The following RGL3 variants were observed in gnomAD, a reference collection of about 807,000 sequenced individuals.
The protein encoded by RGL3 is ral guanine nucleotide dissociation stimulator like 3.
A neutral mutation model predicts 90.6 loss-of-function variants in RGL3; 85 were observed. The observed-to-expected ratio is 0.94, with a 90% CI of 0.79 to 1.12. The LOEUF (loss-of-function observed/expected upper bound fraction) is 1.12. Among genes scored for constraint, RGL3 ranks in the 50% most tolerant of loss-of-function variants. RGL3 has a pLI of 0.00. For synonymous variants in RGL3, 408 were observed against 385.5 expected (o/e 1.06, Z -0.68); for missense variants, 1,034 against 939.2 (o/e 1.10, Z -1.32).
intron 5 of RGL3, 22 bp from the exon 6 acceptor site, chr19:11,406,886 A>G: frequency 1.2e-6 from 2 of 1,605,138 alleles, no homozygotes; most frequent in East Asian, 2.2e-5. Context: ...AAAGGGTTAC[A>G]AACTCTCAAG....
chr19:11,414,045 C>T (rs2144737226), intron 5 of RGL3, among the ~76,000 whole-genome samples: 1 of 145,678 alleles, frequency 6.9e-6, no homozygotes, highest in South Asian at 2.2e-4. Flanking sequence ...CGCGCCCAGC[C>T]AATTTTAATT....
chr19:11,403,603 G>A lies in RGL3; in HGVS notation c.1186-897C>T, dbSNP rs528105882. Among the ~76,000 whole-genome samples, 17 of 138,992 alleles carry A rather than the reference G, an allele frequency of 1.2e-4. 1 individual carries two copies. In the South Asian group the frequency reaches 3.9e-3, roughly 32 times the overall value. The allele number at this position is 138,992 out of a possible 152,430, so 91.2% of individuals were successfully genotyped here. ...TGGAGTGAGCCAAGATCGCACCATT[G>A]CACTCCAGCTTGGGCAACAAGACCA... On this transcript the variant is annotated intron_variant, in intron 9 of 18. Coordinates refer to ENST00000380456, the MANE Select transcript of RGL3 (RefSeq NM_001035223.4).
chr19:11,397,799 G>T (rs374553897), intron 16 of RGL3: 2 of 434,430 alleles, frequency 4.6e-6, no homozygotes, highest in Non-Finnish European at 7.9e-6. Flanking sequence ...ACTTGAGGTC[G>T]GGAGTTCAAG....
In RGL3 at chr19:11,400,055, G is replaced by A; in HGVS notation, c.1634C>T (p.Ser545Leu). 1.2e-6 allele frequency: 2 copies of A among 1,608,782 alleles called. No individual in the cohort carries two copies. The highest frequency in any genetic ancestry group is 1.7e-6 in the Non-Finnish European group (2 of 1,178,298). ...SSPSGSPGDP[S>L]SPTSSVSPGS... ...GAATGCTCACCTGGAGGTGGGGGATGAGGGGTCCCCGGGACTCCCACTAGG... is the reference window on the plus strand; with the variant it reads ...GAATGCTCACCTGGAGGTGGGGGATAAGGGGTCCCCGGGACTCCCACTAGG... The change falls in exon 15 of 19, where the codon TCA (serine) becomes TTA (leucine). Residue 545 changes from serine (S) to leucine (L), a missense_variant. Coordinates refer to ENST00000380456, the MANE Select transcript of RGL3 (RefSeq NM_001035223.4).
At chr19:11,396,153 TATATA>T (rs1294013214) in intron 18 of RGL3, among the ~76,000 whole-genome samples, 42 of 76,220 alleles carry the variant, frequency 5.5e-4, no homozygotes, top group African/African-American at 2.0e-3. Flanking sequence ...TATATATATA[TATATA>T]TTTTTTTTTT....
At chr19:11,405,476 A>G (rs1968759909) in intron 7 of RGL3, 50 bp from the exon 8 acceptor site, 2 of 396,924 alleles carry the variant, frequency 5.0e-6, no homozygotes, top group East Asian at 7.1e-5. Flanking sequence ...TCCACCTTTC[A>G]TCCTGAAACT....
chr19:11,397,398 C>A, intron 17 of RGL3, 40 bp from the exon 18 acceptor site: 3 of 1,588,318 alleles, frequency 1.9e-6, no homozygotes, highest in Non-Finnish European at 2.6e-6. Context: ...GGGCCCCGGC[C>A]CCAAGGGCAG....
intron 5 of RGL3, among the ~76,000 whole-genome samples, chr19:11,409,711 C>T (rs1396802428): frequency 6.6e-6 from 1 of 152,146 alleles, no homozygotes; most frequent in Non-Finnish European, 1.5e-5. Context: ...GCTGTCTTTG[C>T]CTCACCAGTG....
chr19:11,397,324 C>G lies in RGL3; in HGVS notation c.1934G>C (p.Arg645Pro), dbSNP rs771530053. ...CACATTGTGCTTCTGCAAGGCTCGC[C>G]GGACCACGCTGGGGGCTTTGTCCTG... ...TSQDKAPSVV[R>P]RALQKHNVPQ... The change falls in exon 18 of 19, where the codon CGG becomes CCG. Residue 645 changes from arginine (R) to proline (P), a missense_variant. Arg to Pro is a moderately radical substitution (Grantham distance 103). Coordinates refer to ENST00000380456, the MANE Select transcript of RGL3 (RefSeq NM_001035223.4). 1.3e-5 allele frequency: 21 copies of G among 1,609,692 alleles called. No homozygotes were observed. Among genetic ancestry groups the G allele is most frequent in the Non-Finnish European group, 1.7e-5 (20 of 1,177,900 alleles).
chr19:11,415,538 C>G (rs1024373938), intron 5 of RGL3, among the ~76,000 whole-genome samples: 2 of 152,074 alleles, frequency 1.3e-5, no homozygotes, highest in Non-Finnish European at 1.5e-5. Context: ...TGCAATGGCA[C>G]GATCTCGACT....
At chr19:11,415,191 A>G (rs1039575691) in intron 5 of RGL3, among the ~76,000 whole-genome samples, 1 of 151,876 alleles carries the variant, frequency 6.6e-6, no homozygotes, top group Admixed American at 6.6e-5. Flanking sequence ...AAATTCAAAA[A>G]TAAGAAAAAT....
chr19:11,396,158 ATTTTTTT>A (rs1169850022), intron 18 of RGL3, among the ~76,000 whole-genome samples: 395 of 25,432 alleles, frequency 0.016, 9 homozygotes, highest in African/African-American at 0.06. Flanking sequence ...ATATATATAT[ATTTTTTT>A]TTTTTTTTTT....
At chr19:11,414,528 T>TATAC (rs1568342108) in intron 5 of RGL3, among the ~76,000 whole-genome samples, 1 of 74,104 alleles carries the variant, frequency 1.3e-5, no homozygotes, top group Admixed American at 1.7e-4. Context: ...TATATATATA[T>TATAC]ACCTTTATAT....
At chr19:11,404,814 C>T (rs552482388) in intron 9 of RGL3, among the ~76,000 whole-genome samples, 18 of 152,290 alleles carry the variant, frequency 1.2e-4, no homozygotes, top group African/African-American at 4.3e-4. Context: ...TTTTGACACA[C>T]ATTTTTTAGT....
intron 18 of RGL3, 63 bp from the exon 19 acceptor site, chr19:11,394,583 C>A: frequency 3.1e-6 from 4 of 1,285,456 alleles, no homozygotes; most frequent in Non-Finnish European, 4.5e-6. Context: ...CCACAGAGGA[C>A]CCGGGAGCCT....
Position 11,405,237 on chromosome 19 carries a change from A to C in RGL3, c.1101-6T>G. On this transcript the variant is annotated splice_polypyrimidine_tract_variant and splice_region_variant and intron_variant, in intron 8 of 18. Coordinates refer to ENST00000380456, the MANE Select transcript of RGL3 (RefSeq NM_001035223.4). ...TGAAAGTAGATAGCGGTTCCCTGGA[A>C]GGACAGGAGAAGGGTGGTCAGGGGT... is the stretch of plus-strand genomic sequence containing the variant. 1 of 1,614,014 alleles carries C rather than the reference A, an allele frequency of 6.2e-7. No homozygotes were observed. Among genetic ancestry groups the C allele is most frequent in the East Asian group, 2.2e-5 (1 of 44,878 alleles).
chr19:11,406,451 G>A lies in RGL3; in HGVS notation c.964C>T (p.Gln322Ter). 1 of 1,545,964 alleles carries A rather than the reference G, an allele frequency of 6.5e-7. No individual in the cohort carries two copies. The highest frequency in any genetic ancestry group is 8.7e-7 in the Non-Finnish European group (1 of 1,149,380). ...ATGCGGATCCACTTCTCCAGCCGCT[G>A]CGCCCTCTGCGGGGCGGCCAAGCCC... ...APGLAAPQRA[Q>*]RLEKWIRIAQ... The change falls in exon 7 of 19, where the codon CAG (glutamine) becomes TAG (stop). Residue 322 changes from glutamine to a stop codon, truncating the protein, a stop_gained. Coordinates refer to ENST00000380456, the MANE Select transcript of RGL3 (RefSeq NM_001035223.4). LOFTEE classifies it high-confidence loss of function.
At chr19:11,399,230 G>A (rs1357412684) in intron 16 of RGL3, among the ~76,000 whole-genome samples, 1 of 152,116 alleles carries the variant, frequency 6.6e-6, no homozygotes, top group East Asian at 1.9e-4. Flanking sequence ...AATAGCCACC[G>A]TGTCTGCCAT....
chr19:11,414,166 T>TATACACAC (rs1171923889), intron 5 of RGL3, among the ~76,000 whole-genome samples: 3 of 112,532 alleles, frequency 2.7e-5, no homozygotes, highest in African/African-American at 1.2e-4. Flanking sequence ...TATATATATA[T>TATACACAC]ATATATATAT....
Sources: gnomAD v4.1 joint callset for allele counts (sites outside exome capture counted in the v4.1 genomes callset) on GRCh38, gnomAD v4.1.1 for gene constraint, MANE v1.5 for transcripts, NCBI Gene and HGNC (gene_info 2026-07-23, HGNC 2026-07-21) for gene names.